The following EIF2AK3 variants were observed in gnomAD, a reference collection of about 807,000 sequenced individuals.
EIF2AK3 encodes eukaryotic translation initiation factor 2-alpha kinase 3.
In EIF2AK3, 50 loss-of-function variants were observed where a neutral mutation model predicts 113.5. That is an observed-to-expected ratio of 0.44 (90% confidence interval 0.35 to 0.56). The LOEUF is 0.56. Ranked by LOEUF, EIF2AK3 falls within the 20% of genes least tolerant of loss-of-function variation. The pLI, the probability that EIF2AK3 is intolerant of heterozygous loss-of-function variation, is 0.00. For missense variants in EIF2AK3, 1,185 were observed against 1,378.0 expected, an observed-to-expected ratio of 0.86 and a Z score of 2.22; for synonymous variants, 448 against 495.4, an observed-to-expected ratio of 0.90 and a Z score of 1.27.
chr2:88,585,771 T>A (rs1038605495), intron 9 of EIF2AK3, 70 bp downstream of exon 9: 6 of 1,471,952 alleles, frequency 4.1e-6, no homozygotes, highest in Middle Eastern at 3.5e-4. Context: ...GAAGCCAGAC[T>A]GTGATGGGTT....
In EIF2AK3 at chr2:88,593,324, G is replaced by T. The variant is rs906171568; in HGVS notation, c.715C>A (p.Gln239Lys). The T allele has an allele frequency of 6.2e-7, 1 of 1,613,976 alleles. No individual in the cohort carries two copies. Among genetic ancestry groups the T allele is most frequent in the Non-Finnish European group, 8.5e-7 (1 of 1,180,002 alleles). ...MEQEEDILLL[Q>K]RTQKTVRAVG... ...GCTCTAACAGTTTTTTGGGTACGCT[G>T]TAGAAGCAGGATGTCTTCCTCTTGT... The change falls in exon 4 of 17, where the codon CAG (glutamine) becomes AAG (lysine). Residue 239 changes from glutamine (Q) to lysine (K), a missense_variant. Around this residue, in one of 3 missense-constraint regions of EIF2AK3, gnomAD observed 119 missense variants for 178.7 expected, o/e 0.67. Transcript: ENST00000303236.
At chr2:88,595,754 T>C (rs908019275) in intron 2 of EIF2AK3, 91 bp from the exon 3 acceptor site, 1 of 1,206,988 alleles carries the variant, frequency 8.3e-7, no homozygotes. Flanking sequence ...ATCATACCTT[T>C]AAAAGAATAA....
chr2:88,586,523 A>C (rs982157323), intron 8 of EIF2AK3, among the ~76,000 whole-genome samples: 1 of 152,022 alleles, frequency 6.6e-6, no homozygotes, highest in Non-Finnish European at 1.5e-5. Context: ...TTGTCCCAGA[A>C]AAATAGCTTG....
chr2:88,583,269 TACC>T (rs1291845980), intron 10 of EIF2AK3, among the ~76,000 whole-genome samples, 158 bp downstream of exon 10: 1 of 152,182 alleles, frequency 6.6e-6, no homozygotes, highest in Non-Finnish European at 1.5e-5. Flanking sequence ...TTAGGGTATA[TACC>T]ACTTTTAATA....
At chr2:88,582,027 G>A (rs903285606) in intron 10 of EIF2AK3, among the ~76,000 whole-genome samples, 35 of 152,104 alleles carry the variant, frequency 2.3e-4, no homozygotes, top group African/African-American at 8.2e-4. Flanking sequence ...ATGGAAATGC[G>A]AGTGGCATCA....
chr2:88,602,614 A>G (rs1405572524), intron 2 of EIF2AK3, among the ~76,000 whole-genome samples: 1 of 152,214 alleles, frequency 6.6e-6, no homozygotes. Flanking sequence ...GGATAATACA[A>G]TAACATTCTT....
intron 15 of EIF2AK3, among the ~76,000 whole-genome samples, 180 bp from the exon 16 acceptor site, chr2:88,559,159 A>G (rs1673871168): frequency 6.6e-6 from 1 of 152,220 alleles, no homozygotes; most frequent in Non-Finnish European, 1.5e-5. Flanking sequence ...CACTCCATCA[A>G]ATATCCTCAA....
Position 88,627,087 on chromosome 2 carries a change from C to T in EIF2AK3, c.188G>A (p.Gly63Asp), listed in dbSNP as rs1249821556. Residue 63 changes from glycine to aspartate, a missense_variant, in exon 1 of 17, where the codon GGC becomes GAC. Gly to Asp is a moderately conservative substitution (Grantham distance 94). Around this residue, in one of 3 missense-constraint regions of EIF2AK3, gnomAD observed 189 missense variants for 175.2 expected, o/e 1.08. Coordinates refer to ENST00000303236, the MANE Select transcript of EIF2AK3 (RefSeq NM_004836.7). ...PTSATRVPAAGAVAAAEVTVE... is the reference protein window; with the variant it reads ...PTSATRVPAADAVAAAEVTVE... ...AGTCACCTCGGCCGCAGCCACGGCG[C>T]CCGCCGCCGGTACTCGCGTCGCTGA... is the stretch of plus-strand genomic sequence containing the variant. 1.3e-6 allele frequency: 2 copies of T among 1,555,306 alleles called. No homozygotes were observed. Among genetic ancestry groups the T allele is most frequent in the African/African-American group, 1.4e-5 (1 of 71,972 alleles).
rs779345765 is a variant in EIF2AK3 at position 88,590,998 on chromosome 2, C to T, written c.822G>A (p.Thr274=). 4 of 1,613,982 alleles carry T rather than the reference C, an allele frequency of 2.5e-6. No individual in the cohort carries two copies. Among genetic ancestry groups the T allele is most frequent in the African/African-American group, 1.3e-5 (1 of 74,936 alleles). The change falls in exon 5 of 17, where the codon ACG becomes ACA. Residue 274 remains threonine (T), a synonymous_variant. Coordinates refer to ENST00000303236, the MANE Select transcript of EIF2AK3 (RefSeq NM_004836.7). The part of the protein sequence containing the change: ...FELRYIPDME[T]RAGFIESTFK... ...AGGTGCTTTCAATAAATCCGGCTCT[C>T]GTTTCCATGTCTGGAATATACCGAA... is the stretch of plus-strand genomic sequence containing the variant.
intron 14 of EIF2AK3, among the ~76,000 whole-genome samples, chr2:88,566,314 G>T (rs552390429): frequency 9.2e-5 from 14 of 152,124 alleles, no homozygotes; most frequent in African/African-American, 3.4e-4. Context: ...TTTAAAAAAA[G>T]TTTTTTACAT....
At chr2:88,590,085 A>C (rs570784878) in intron 6 of EIF2AK3, among the ~76,000 whole-genome samples, 2 of 152,148 alleles carry the variant, frequency 1.3e-5, no homozygotes, top group African/African-American at 4.8e-5. Context: ...AAATACAAAA[A>C]TTAGCTGGGC....
At chr2:88,591,822 G>T (rs1236278377) in intron 4 of EIF2AK3, among the ~76,000 whole-genome samples, 1 of 152,024 alleles carries the variant, frequency 6.6e-6, no homozygotes, top group East Asian at 1.9e-4. Context: ...TCCTATTCTG[G>T]TAACTCAAAA....
At chr2:88,594,280 C>T (rs1026639560) in intron 3 of EIF2AK3, among the ~76,000 whole-genome samples, 2 of 152,228 alleles carry the variant, frequency 1.3e-5, no homozygotes, top group Non-Finnish European at 2.9e-5. Flanking sequence ...GCAACCTCCA[C>T]CTCCCAGGTT....
chr2:88,612,572 A>G (rs1675482103), intron 2 of EIF2AK3, among the ~76,000 whole-genome samples: 1 of 152,230 alleles, frequency 6.6e-6, no homozygotes, highest in South Asian at 2.1e-4. Flanking sequence ...AAGTCTACTC[A>G]GGGTTCAGCA....
intron 12 of EIF2AK3, among the ~76,000 whole-genome samples, chr2:88,576,328 C>T (rs992911246): frequency 6.6e-6 from 1 of 152,162 alleles, no homozygotes; most frequent in Non-Finnish European, 1.5e-5. Flanking sequence ...CATCTTCCCA[C>T]CTCGGCCTCC....
In EIF2AK3 at chr2:88,557,829, T is replaced by C. The variant is rs1290326113; in HGVS notation, c.3258A>G (p.Thr1086=). The C allele has an allele frequency of 1.2e-6, 2 of 1,614,182 alleles. No homozygotes were observed. The highest frequency in any genetic ancestry group is 1.7e-6 in the Non-Finnish European group (2 of 1,180,004). The change falls in exon 17 of 17, where the codon ACA becomes ACG. Residue 1086 remains threonine, a synonymous_variant. Transcript: ENST00000303236. ...AGGAGCGAGACCTCTGTCTGAGCAC[T>C]GTTTTTCCTGGAAAGTCCAAGTCCT... ...VFEDLDFPGK[T]VLRQRSRSLS... is the part of the protein sequence containing the mutation.
intron 1 of EIF2AK3, among the ~76,000 whole-genome samples, chr2:88,623,505 A>G (rs557343102): frequency 3.3e-5 from 5 of 152,212 alleles, no homozygotes; most frequent in Admixed American, 6.5e-5. Flanking sequence ...CTTGAGTATC[A>G]AAAGACAACA....
At chr2:88,577,855 C>CT (rs1674502107) in intron 11 of EIF2AK3, among the ~76,000 whole-genome samples, 1 of 152,184 alleles carries the variant, frequency 6.6e-6, no homozygotes, top group Non-Finnish European at 1.5e-5. Context: ...GGAAAGGCTA[C>CT]TCTTGAGCAC....
chr2:88,591,165 TAAC>T (rs1442139659), intron 4 of EIF2AK3, 113 bp from the exon 5 acceptor site: 14 of 952,902 alleles, frequency 1.5e-5, no homozygotes, highest in East Asian at 7.8e-5. Flanking sequence ...ATGAGAAAAC[TAAC>T]AACATAACCT....
Sources: gnomAD v4.1 joint callset for allele counts (sites outside exome capture counted in the v4.1 genomes callset) on GRCh38, gnomAD v4.1.1 for gene constraint, gnomAD v4.1.1 regional missense constraint, MANE v1.5 for transcripts, NCBI Gene and HGNC (gene_info 2026-07-23, HGNC 2026-07-21) for gene names.